AHCYL1: variants seen among roughly 807,000 people sequenced by gnomAD.
The protein encoded by AHCYL1 is S-adenosylhomocysteine hydrolase-like protein 1.
A neutral mutation model predicts 79.3 loss-of-function variants in AHCYL1; 20 were observed. That is an observed-to-expected ratio of 0.25 (90% CI 0.18 to 0.37). The LOEUF (loss-of-function observed/expected upper bound fraction) is 0.37. Among genes scored for constraint, AHCYL1 ranks in the 10% least tolerant of loss-of-function variants. AHCYL1 has a pLI of 1.00. For missense variants in AHCYL1, 330 were observed against 673.6 expected (o/e 0.49, Z 5.65); for synonymous variants, 223 against 242.2 (o/e 0.92, Z 0.74).
At position 109,984,976 on chromosome 1, in the gene AHCYL1, C is replaced by T. The variant is rs1230134978; in HGVS notation, c.-77C>T. On this transcript the variant is annotated 5_prime_UTR_variant, in exon 1 of 17. Transcript: ENST00000369799. ...GGCGATCGCGTGTCGGAGGGCGCCGCGCGGGCAGGCGGGCGGGCGCCAGAG... is the reference window on the plus strand; with the variant it reads ...GGCGATCGCGTGTCGGAGGGCGCCGTGCGGGCAGGCGGGCGGGCGCCAGAG... 4 of 1,370,318 alleles carry T rather than the reference C, an allele frequency of 2.9e-6. No individual in the cohort carries two copies. Among genetic ancestry groups the T allele is most frequent in the Non-Finnish European group, 3.8e-6 (4 of 1,064,278 alleles). 84.9% of individuals were successfully genotyped at this position (1,370,318 alleles called of 1,614,324 possible).
intron 15 of AHCYL1, 78 bp downstream of exon 15, chr1:110,019,704 T>C: frequency 2.9e-6 from 4 of 1,394,790 alleles, no homozygotes; most frequent in East Asian, 2.3e-5. Flanking sequence ...GCATTGGATT[T>C]AGAGTCAGAG....
chr1:109,985,697 A>G (rs1649431033), intron 1 of AHCYL1, among the ~76,000 whole-genome samples: 1 of 152,222 alleles, frequency 6.6e-6, no homozygotes, highest in Non-Finnish European at 1.5e-5. Flanking sequence ...CATGAAACTG[A>G]AAATCTATGA....
intron 1 of AHCYL1, among the ~76,000 whole-genome samples, chr1:109,989,841 C>T (rs994430015): frequency 2.6e-5 from 4 of 152,128 alleles, no homozygotes; most frequent in Non-Finnish European, 5.9e-5. Flanking sequence ...TAATGAGGTG[C>T]GTCAGAAGCA....
chr1:109,985,244 T>C, intron 1 of AHCYL1, 72 bp downstream of exon 1: 1 of 1,539,150 alleles, frequency 6.5e-7, no homozygotes, highest in South Asian at 1.2e-5. Context: ...AAGCCCGGGC[T>C]CTGGCTAGTT....
At chr1:110,008,574 C>T (rs1385467360) in intron 1 of AHCYL1, among the ~76,000 whole-genome samples, 1 of 109,638 alleles carries the variant, frequency 9.1e-6, no homozygotes, top group Non-Finnish European at 1.8e-5. Flanking sequence ...ATAATTCTTT[C>T]AGAAAGCAAG....
At chr1:109,990,710 C>T (rs746915267) in intron 1 of AHCYL1, among the ~76,000 whole-genome samples, 1 of 152,076 alleles carries the variant, frequency 6.6e-6, no homozygotes, top group Non-Finnish European at 1.5e-5. Flanking sequence ...GTTGAGATGT[C>T]CTCTACCTTA....
intron 5 of AHCYL1, among the ~76,000 whole-genome samples, chr1:110,013,960 C>T (rs945727577): frequency 6.6e-6 from 1 of 151,462 alleles, no homozygotes; most frequent in Non-Finnish European, 1.5e-5. Context: ...GCCACCACAC[C>T]CAGCTAATTT....
At chr1:109,997,190 C>G (rs1029980909) in intron 1 of AHCYL1, among the ~76,000 whole-genome samples, 2 of 152,132 alleles carry the variant, frequency 1.3e-5, no homozygotes, top group African/African-American at 4.8e-5. Context: ...GATTAAAAGT[C>G]AAGTCAGAAT....
rs1651941345 is a variant in AHCYL1 at position 110,023,705 on chromosome 1, C to A, written c.*2025C>A. The A allele has an allele frequency of 6.6e-6, 1 of 152,492 alleles. No homozygotes were observed. Among genetic ancestry groups the A allele is most frequent in the Non-Finnish European group, 1.5e-5 (1 of 68,026 alleles). 9.4% of individuals were successfully genotyped at this position (152,492 alleles called of 1,614,324 possible). The stretch of plus-strand genomic sequence containing the variant: ...TGCAATATTAATCCTTGCAGATGAG[C>A]AATAATCATTAAAATCGATTAAAAT... On this transcript the variant is annotated 3_prime_UTR_variant, in exon 17 of 17. Transcript: ENST00000369799.
intron 1 of AHCYL1, among the ~76,000 whole-genome samples, chr1:109,993,301 A>G (rs760454996): frequency 6.6e-6 from 1 of 152,220 alleles, no homozygotes; most frequent in African/African-American, 2.4e-5. Flanking sequence ...TTGGATTTCA[A>G]TGTAGTACTT....
chr1:110,018,818 C>T lies in AHCYL1; in HGVS notation c.1317+168C>T, dbSNP rs1217385884. On this transcript the variant is annotated intron_variant, in intron 13 of 16. Transcript: ENST00000369799. ...CAAAATAAAACCACTTTAAAAAAAT[C>T]TACTTTTTACTAAGTAACACTATTT... is the stretch of plus-strand genomic sequence containing the variant. 4.0e-6 allele frequency: 3 copies of T among 757,370 alleles called. No homozygotes were observed. In the East Asian group the frequency reaches 8.1e-5, roughly 20 times the overall value. The allele number at this position is 757,370 out of a possible 1,614,324, so 46.9% of individuals were successfully genotyped here.
At chr1:109,985,886 G>T (rs1649440291) in intron 1 of AHCYL1, among the ~76,000 whole-genome samples, 1 of 152,148 alleles carries the variant, frequency 6.6e-6, no homozygotes, top group African/African-American at 2.4e-5. Context: ...GGTAAGGGAA[G>T]ATTGCTCACT....
intron 1 of AHCYL1, among the ~76,000 whole-genome samples, chr1:109,997,036 A>G (rs1259926979): frequency 1.3e-5 from 2 of 152,200 alleles, no homozygotes; most frequent in African/African-American, 2.4e-5. Context: ...TAAACAACTC[A>G]AGGATATCAC....
rs1019309506 is a variant in AHCYL1 at position 110,023,542 on chromosome 1, A to C, written c.*1862A>C. On this transcript the variant is annotated 3_prime_UTR_variant, in exon 17 of 17. Transcript: ENST00000369799. ...CTATTACCGTGTCCATAGGAATAATAGGTAAGGGCTCTGTCTCTGTCAAGC... is the reference window on the plus strand; with the variant it reads ...CTATTACCGTGTCCATAGGAATAATCGGTAAGGGCTCTGTCTCTGTCAAGC... 6 of 152,374 alleles carry C rather than the reference A, an allele frequency of 3.9e-5. No individual in the cohort carries two copies. Among genetic ancestry groups the C allele is most frequent in the African/African-American group, 1.5e-4 (6 of 41,358 alleles). The allele number at this position is 152,374 out of a possible 1,614,324, so 9.4% of individuals were successfully genotyped here.
At chr1:109,985,324 T>C in intron 1 of AHCYL1, 152 bp downstream of exon 1, 2 of 1,345,228 alleles carry the variant, frequency 1.5e-6, no homozygotes, top group East Asian at 3.1e-5. Context: ...GCCCCAGGCC[T>C]CTCCCGGGCT....
intron 4 of AHCYL1, 53 bp from the exon 5 acceptor site, chr1:110,012,844 A>G: frequency 7.0e-7 from 1 of 1,436,002 alleles, no homozygotes; most frequent in African/African-American, 1.4e-5. Flanking sequence ...CTTGCTCTCC[A>G]TTCCTGGGTG....
At chr1:110,003,167 C>T (rs961286992) in intron 1 of AHCYL1, among the ~76,000 whole-genome samples, 3 of 152,066 alleles carry the variant, frequency 2.0e-5, no homozygotes, top group African/African-American at 7.2e-5. Context: ...TCTGGACAGT[C>T]TGGATATATG....
rs117418749 is a variant in AHCYL1 at position 110,014,910 on chromosome 1, T to C, written c.675+53T>C. Reference sequence around the variant, plus strand: ...TGACAATAGATTTATTTCCTTTTTTTCCCTCAAAGCATGGTTCCCTAAATA... The same window carrying C: ...TGACAATAGATTTATTTCCTTTTTTCCCCTCAAAGCATGGTTCCCTAAATA... On this transcript the variant is annotated intron_variant, in intron 6 of 16. Transcript: ENST00000369799. The C allele has an allele frequency of 1.5e-4, 235 of 1,520,972 alleles. 3 individuals are homozygous for C. The East Asian group carries it at 3.0e-3, about 19-fold the overall frequency. The allele number at this position is 1,520,972 out of a possible 1,614,324, so 94.2% of individuals were successfully genotyped here.
At chr1:110,021,009 G>A (rs989337460) in intron 16 of AHCYL1, among the ~76,000 whole-genome samples, 158 bp downstream of exon 16, 2 of 152,214 alleles carry the variant, frequency 1.3e-5, no homozygotes, top group Non-Finnish European at 2.9e-5. Flanking sequence ...TGTAATCCCA[G>A]CACTTTGAGA....
Sources: gnomAD v4.1 joint callset for allele counts (sites outside exome capture counted in the v4.1 genomes callset) on GRCh38, gnomAD v4.1.1 for gene constraint, MANE v1.5 for transcripts, NCBI Gene and HGNC (gene_info 2026-07-23, HGNC 2026-07-21) for gene names.